Variants in ESD observed in about 807,000 individuals in gnomAD.
ESD encodes the protein S-formylglutathione hydrolase.
In ESD, 34 loss-of-function variants were observed where a neutral mutation model predicts 38.1. That is an observed-to-expected ratio of 0.89 (90% CI 0.68 to 1.19). The LOEUF is 1.19. Ranked by LOEUF, ESD falls within the 50% of genes most tolerant of loss-of-function variation. The probability of loss-of-function intolerance (pLI) is 0.00; values close to 1 mark genes in which losing one functional copy is unlikely to be tolerated. For synonymous variants in ESD, 97 were observed against 107.0 expected (o/e 0.91, Z 0.58); for missense variants, 334 against 327.2 (o/e 1.02, Z -0.16).
chr13:46,777,196 C>G, intron 9 of ESD: 2 of 251,800 alleles, frequency 7.9e-6, no homozygotes, highest in South Asian at 2.3e-4. Flanking sequence ...AATCATCATT[C>G]AAGCATTAAA....
intron 5 of ESD, among the ~76,000 whole-genome samples, chr13:46,783,400 T>C (rs558680815): frequency 2.2e-3 from 341 of 152,148 alleles, no homozygotes; most frequent in Non-Finnish European, 3.4e-3. Context: ...AAGCCAACCA[T>C]TGGGATTTTG....
At chr13:46,789,968 A>G (rs1875335031) in intron 3 of ESD, among the ~76,000 whole-genome samples, 1 of 150,370 alleles carries the variant, frequency 6.7e-6, no homozygotes, top group Admixed American at 6.6e-5. Context: ...GGTGTGCATA[A>G]CCATGCCTGG....
chr13:46,789,270 G>A (rs2138301473), intron 3 of ESD, among the ~76,000 whole-genome samples: 1 of 152,206 alleles, frequency 6.6e-6, no homozygotes, highest in South Asian at 2.1e-4. Flanking sequence ...AAAAGTGCAT[G>A]GGAAATACAC....
intron 9 of ESD, among the ~76,000 whole-genome samples, chr13:46,774,363 C>T (rs1185342033): frequency 6.6e-6 from 1 of 152,176 alleles, no homozygotes; most frequent in Non-Finnish European, 1.5e-5. Flanking sequence ...TGGTATCCTG[C>T]TGAAGTTACA....
chr13:46,796,229 C>G (rs1211351750), intron 1 of ESD, among the ~76,000 whole-genome samples: 1 of 152,270 alleles, frequency 6.6e-6, no homozygotes, highest in African/African-American at 2.4e-5. Flanking sequence ...GGTTTCAGAG[C>G]AGGTTTTGGG....
chr13:46,772,521 C>G (rs1460970330), intron 9 of ESD, among the ~76,000 whole-genome samples: 1 of 152,180 alleles, frequency 6.6e-6, no homozygotes, highest in Non-Finnish European at 1.5e-5. Context: ...GTTTGCTGCT[C>G]AGATCAAGCC....
chr13:46,775,386 T>C lies in ESD; in HGVS notation c.768+2070A>G, dbSNP rs138549197. The C allele has an allele frequency of 1.4e-4, 30 of 219,154 alleles. No individual in the cohort carries two copies. In the East Asian group the frequency reaches 3.7e-3, roughly 27 times the overall value. 13.6% of individuals were successfully genotyped at this position (219,154 alleles called of 1,614,324 possible). ...GAAGTTGAGTAAATCATGTGCATGATTGTAATTATTTTCTTTATTCTTTCT... is the reference window on the plus strand; with the variant it reads ...GAAGTTGAGTAAATCATGTGCATGACTGTAATTATTTTCTTTATTCTTTCT... On this transcript the variant is annotated intron_variant, in intron 9 of 9. Transcript: ENST00000378720.
rs189539052 is a variant in ESD, at chr13:46,781,372, A to C, written c.501+124T>G. On this transcript the variant is annotated intron_variant, in intron 7 of 9. Coordinates refer to ENST00000378720, the MANE Select transcript of ESD (RefSeq NM_001984.2). ...AAATACCCACCCTTCAAACACCCCA[A>C]AGTTCTCAACACTAGAAAAGTTTAG... 3.7e-6 allele frequency: 3 copies of C among 816,694 alleles called. No homozygotes were observed. The Admixed American group carries it at 1.0e-4, about 27-fold the overall frequency. The allele number at this position is 816,694 out of a possible 1,614,324, so 50.6% of individuals were successfully genotyped here. A position where few individuals can be genotyped will look rare whatever the true frequency, so the allele number is the denominator to read the frequency against.
intron 6 of ESD, among the ~76,000 whole-genome samples, chr13:46,782,001 T>C (rs1166947031): frequency 6.6e-6 from 1 of 151,672 alleles, no homozygotes; most frequent in African/African-American, 2.4e-5. Flanking sequence ...TACAAAACCA[T>C]AAGTATTCTA....
rs145148738 is a variant in ESD at position 46,781,053 on chromosome 13, G to A, written c.501+443C>T. On this transcript the variant is annotated intron_variant, in intron 7 of 9. Coordinates refer to ENST00000378720, the MANE Select transcript of ESD (RefSeq NM_001984.2). ...AAGCTGCATTTCAATTTTCATTAGA[G>A]GCATTAAGAACACAATTCTTAAGCT... Among the ~76,000 whole-genome samples the A allele has an allele frequency of 1.8e-3, 270 of 151,688 alleles. 1 individual carries two copies. The highest frequency in any genetic ancestry group is 6.2e-3 in the African/African-American group (258 of 41,454).
chr13:46,771,368 T>A lies in ESD; in HGVS notation c.*48A>T. The A allele has an allele frequency of 2.4e-6, 3 of 1,276,520 alleles. No individual in the cohort carries two copies. Among genetic ancestry groups the A allele is most frequent in the African/African-American group, 1.5e-5 (1 of 65,586 alleles). 79.1% of individuals were successfully genotyped at this position (1,276,520 alleles called of 1,614,324 possible). On this transcript the variant is annotated 3_prime_UTR_variant, in exon 10 of 10. Transcript: ENST00000378720. Reference sequence around the variant, plus strand: ...TTTTTTGCTCAGCAATACAGTTGCATTTTACAACTTTTATAATCCTGAAGA... The same window carrying A: ...TTTTTTGCTCAGCAATACAGTTGCAATTTACAACTTTTATAATCCTGAAGA...
At chr13:46,775,839 G>C in intron 9 of ESD, 2 of 278,732 alleles carry the variant, frequency 7.2e-6, no homozygotes, top group African/African-American at 2.3e-5. Context: ...AGTTGCTTGG[G>C]ATACAGGCAT....
Position 46,784,322 on chromosome 13 carries a change from T to C in ESD, c.186A>G (p.Ile62Met). 1 of 1,611,206 alleles carries C rather than the reference T, an allele frequency of 6.2e-7. No individual in the cohort carries two copies. The highest frequency in any genetic ancestry group is 1.1e-5 in the South Asian group (1 of 90,996). Residue 62 changes from isoleucine to methionine, a missense_variant, in exon 5 of 10, where the codon ATA becomes ATG. By Grantham distance (10) the Ile-to-Met change is conservative. Transcript: ENST00000378720. Reference sequence around the variant, plus strand: ...CAGACTGATGATAACCAGATTTTGATATAAAATTTTGCTCTGTGCAAGTTA... The same window carrying C: ...CAGACTGATGATAACCAGATTTTGACATAAAATTTTGCTCTGTGCAAGTTA... ...SGLTCTEQNF[I>M]SKSGYHQSAS...
chr13:46,794,340 T>A (rs997238138), intron 1 of ESD, among the ~76,000 whole-genome samples: 7 of 152,072 alleles, frequency 4.6e-5, no homozygotes, highest in Non-Finnish European at 8.8e-5. Flanking sequence ...TCCCTTTATT[T>A]TTTATTTTTT....
At chr13:46,771,854 A>G (rs1049228320) in intron 9 of ESD, among the ~76,000 whole-genome samples, 1 of 152,130 alleles carries the variant, frequency 6.6e-6, no homozygotes, top group African/African-American at 2.4e-5. Context: ...TATGCAGAGT[A>G]GACACTGTCA....
chr13:46,787,044 C>T lies in ESD; in HGVS notation c.134G>A (p.Cys45Tyr). 1 of 1,572,766 alleles carries T rather than the reference C, an allele frequency of 6.4e-7. No homozygotes were observed. The highest frequency in any genetic ancestry group is 1.2e-5 in the South Asian group (1 of 85,752). Residue 45 changes from cysteine to tyrosine, a missense_variant, in exon 4 of 10, where the codon TGC becomes TAC. Coordinates refer to ENST00000378720, the MANE Select transcript of ESD (RefSeq NM_001984.2). ...ACCTGAGAGCCAATACAGTGCAGGG[C>T]ACTTTCCTGTTTCTGCCTTTGGTGG... ...YLPPKAETGK[C>Y]PALYWLSGLT...
chr13:46,781,705 C>T, intron 6 of ESD, 90 bp from the exon 7 acceptor site: 1 of 1,187,554 alleles, frequency 8.4e-7, no homozygotes, highest in Non-Finnish European at 1.2e-6. Flanking sequence ...ACAATCAATA[C>T]TGCCAAATCA....
intron 3 of ESD, chr13:46,790,769 C>T (rs1450089099): frequency 1.3e-5 from 2 of 152,096 alleles, no homozygotes; most frequent in Non-Finnish European, 2.9e-5. Flanking sequence ...TAAATTGTGT[C>T]ATTTCTCAGG....
chr13:46,771,360 C>G lies in ESD; in HGVS notation c.*56G>C. The stretch of plus-strand genomic sequence containing the variant: ...TTTTTTTTTTTTTTGCTCAGCAATA[C>G]AGTTGCATTTTACAACTTTTATAAT... On this transcript the variant is annotated 3_prime_UTR_variant, in exon 10 of 10. Transcript: ENST00000378720. 2 of 1,017,488 alleles carry G rather than the reference C, an allele frequency of 2.0e-6. No individual in the cohort carries two copies. The highest frequency in any genetic ancestry group is 2.9e-6 in the Non-Finnish European group (2 of 690,626). The allele number at this position is 1,017,488 out of a possible 1,614,324, so 63.0% of individuals were successfully genotyped here.
Sources: gnomAD v4.1 joint callset for allele counts (sites outside exome capture counted in the v4.1 genomes callset) on GRCh38, gnomAD v4.1.1 for gene constraint, MANE v1.5 for transcripts, NCBI Gene and HGNC (gene_info 2026-07-23, HGNC 2026-07-21) for gene names.